OSBPL5: variants seen among roughly 807,000 people sequenced by gnomAD.
OSBPL5 encodes oxysterol binding protein like 5.
A neutral mutation model predicts 111.2 loss-of-function variants in OSBPL5; 71 were observed. That is an observed-to-expected ratio of 0.64 (90% CI 0.53 to 0.78). OSBPL5 has a LOEUF of 0.78. Ranked by LOEUF, OSBPL5 falls within the 30% of genes least tolerant of loss-of-function variation. OSBPL5 has a pLI of 0.00. For synonymous variants in OSBPL5, 549 were observed against 513.9 expected (o/e 1.07, Z -0.93); for missense variants, 1,210 against 1,189.3 (o/e 1.02, Z -0.26).
intron 7 of OSBPL5, 114 bp downstream of exon 7, chr11:3,119,433 C>G (rs780597170): frequency 2.7e-5 from 30 of 1,094,606 alleles, no homozygotes; most frequent in Non-Finnish European, 3.6e-5. Context: ...TCAGGCTGCC[C>G]CCAGACAGTA....
At chr11:3,128,755 C>G (rs1389865382) in intron 2 of OSBPL5, among the ~76,000 whole-genome samples, 1 of 152,160 alleles carries the variant, frequency 6.6e-6, no homozygotes, top group African/African-American at 2.4e-5. Flanking sequence ...GGGATGACTG[C>G]ACTCCATAAC....
chr11:3,100,971 CTTTTTTT>C (rs1196891233), intron 13 of OSBPL5, among the ~76,000 whole-genome samples: 8 of 123,434 alleles, frequency 6.5e-5, no homozygotes, highest in African/African-American at 1.5e-4. Context: ...AGTTTCATTT[CTTTTTTT>C]TTTTTTTTTT....
rs1564821419 is a variant in OSBPL5, at chr11:3,092,992, C to T, written c.2007G>A (p.Glu669=). 6.2e-7 allele frequency: 1 copy of T among 1,606,146 alleles called. No individual in the cohort carries two copies. The highest frequency in any genetic ancestry group is 2.2e-5 in the East Asian group (1 of 44,658). The change falls in exon 18 of 22, where the codon GAG becomes GAA. Residue 669 remains glutamate (E), a synonymous_variant. Transcript: ENST00000263650. The surrounding 1 kb of genome is among the most constrained non-coding windows in gnomAD (Gnocchi z 5.4). ...GCTGTGCCTCCTCCAGTGCAAACTTCTCCTGTGTGGCCCTGTGCTGGTCGC... is the reference window on the plus strand; with the variant it reads ...GCTGTGCCTCCTCCAGTGCAAACTTTTCCTGTGTGGCCCTGTGCTGGTCGC... ...SKGDQHRATQ[E]KFALEEAQRQ...
chr11:3,102,153 C>A, intron 12 of OSBPL5, 30 bp downstream of exon 12: 1 of 1,564,618 alleles, frequency 6.4e-7, no homozygotes, highest in Non-Finnish European at 8.7e-7. Flanking sequence ...AGCCCAGCAC[C>A]CAGGCCGGTT....
chr11:3,090,624 T>C lies in OSBPL5; in HGVS notation c.2332A>G (p.Ser778Gly). The change falls in exon 20 of 22, where the codon AGC (serine) becomes GGC (glycine). Residue 778 changes from serine to glycine, a missense_variant. Physicochemically the swap from Ser to Gly is moderately conservative, Grantham distance 56. Transcript: ENST00000263650. ...PSGHSQATES[S>G]GSTPESCPEL... ...GGGCAGGACTCAGGCGTGGATCCGC[T>C]GCTCTCCGTGGCCTGGCTGTGGCCG... 6.2e-7 allele frequency: 1 copy of C among 1,613,044 alleles called. No homozygotes were observed. Among genetic ancestry groups the C allele is most frequent in the Non-Finnish European group, 8.5e-7 (1 of 1,179,954 alleles).
intron 1 of OSBPL5, among the ~76,000 whole-genome samples, chr11:3,151,563 C>T (rs536632828): frequency 1.1e-4 from 17 of 152,330 alleles, no homozygotes; most frequent in African/African-American, 4.1e-4. Context: ...GACCCCTGCC[C>T]TTTTTCCCAT....
At chr11:3,127,910 C>T (rs1325645749) in intron 2 of OSBPL5, among the ~76,000 whole-genome samples, 2 of 152,208 alleles carry the variant, frequency 1.3e-5, no homozygotes, top group African/African-American at 2.4e-5. Context: ...GTCTTCTGCA[C>T]CGCCTGGGCC....
chr11:3,129,996 GGA>G (rs1356899189), intron 1 of OSBPL5, among the ~76,000 whole-genome samples: 2 of 152,238 alleles, frequency 1.3e-5, no homozygotes, highest in Admixed American at 6.5e-5. Flanking sequence ...TCCCCTGGAA[GGA>G]GAGAGGACAA....
chr11:3,093,877 T>C (rs1161501434), intron 15 of OSBPL5, 42 bp from the exon 16 acceptor site: 2 of 1,580,676 alleles, frequency 1.3e-6, no homozygotes, highest in African/African-American at 1.3e-5. Context: ...GAGCGGGGGC[T>C]GGGGCCTCCA....
chr11:3,129,184 G>C lies in OSBPL5; in HGVS notation c.-21-15C>G. The C allele has an allele frequency of 7.3e-7, 1 of 1,364,158 alleles. No homozygotes were observed. The highest frequency in any genetic ancestry group is 9.5e-7 in the Non-Finnish European group (1 of 1,051,704). 84.5% of individuals were successfully genotyped at this position (1,364,158 alleles called of 1,614,324 possible). ...CTCGGGGGCTTCTGGAAGGAAGGAA[G>C]GAGGGGCAGCAGGAGGTCACCGCCC... On this transcript the variant is annotated splice_polypyrimidine_tract_variant and intron_variant, in intron 1 of 21. Transcript: ENST00000263650.
At chr11:3,112,065 GTGTGTGTGCA>G (rs1590665964) in intron 7 of OSBPL5, among the ~76,000 whole-genome samples, 4 of 69,464 alleles carry the variant, frequency 5.8e-5, no homozygotes, top group African/African-American at 1.2e-4. Context: ...GCATGTGTAT[GTGTGTGTGCA>G]TGTGTGTGTG....
chr11:3,101,657 GGTTGCTGAC>G lies in OSBPL5; in HGVS notation c.1459_1467del (p.Val487_Asn489del). The stretch of plus-strand genomic sequence containing the variant: ...CCACTGATGCAGAAGCCGTCCTTCC[GGTTGCTGAC>G]GTGGAAGGCAGACACGGGCGGGTGG... On this transcript the variant is annotated inframe_deletion, in exon 13 of 22. Transcript: ENST00000263650. The G allele has an allele frequency of 6.2e-7, 1 of 1,613,978 alleles. No homozygotes were observed. The highest frequency in any genetic ancestry group is 1.1e-5 in the South Asian group (1 of 91,080).
chr11:3,140,674 A>G lies in OSBPL5; in HGVS notation c.-21-11505T>C, dbSNP rs912980992. Among the ~76,000 whole-genome samples the G allele has an allele frequency of 2.0e-5, 3 of 152,124 alleles. No individual in the cohort carries two copies. The highest frequency in any genetic ancestry group is 6.5e-5 in the Admixed American group (1 of 15,272). ...CTCTGTCCCCCAGCTCACATTACCC[A>G]GGACTGGCTGTAGGAGCCTTGTTTC... is the stretch of plus-strand genomic sequence containing the variant. On this transcript the variant is annotated intron_variant, in intron 1 of 21. Coordinates refer to ENST00000263650, the MANE Select transcript of OSBPL5 (RefSeq NM_020896.4). This position sits in a 1 kb window ranked among gnomAD's most constrained non-coding sequence, Gnocchi z 4.5.
chr11:3,113,211 G>C lies in OSBPL5; in HGVS notation c.692-5266C>G, dbSNP rs1858068194. Among the ~76,000 whole-genome samples, 1 of 152,154 alleles carries C rather than the reference G, an allele frequency of 6.6e-6. No homozygotes were observed. Among genetic ancestry groups the C allele is most frequent in the Non-Finnish European group, 1.5e-5 (1 of 68,042 alleles). On this transcript the variant is annotated intron_variant, in intron 7 of 21. Coordinates refer to ENST00000263650, the MANE Select transcript of OSBPL5 (RefSeq NM_020896.4). This position sits in a 1 kb window ranked among gnomAD's most constrained non-coding sequence, Gnocchi z 4.8. Reference sequence around the variant, plus strand: ...AAATAAGCTAGCTTTAAAATTATTGGTAAAGTAATATTAGAAATGTCTTAA... The same window carrying C: ...AAATAAGCTAGCTTTAAAATTATTGCTAAAGTAATATTAGAAATGTCTTAA...
In OSBPL5 at chr11:3,160,990, G is replaced by A. The variant is rs149602015; in HGVS notation, c.-22+4226C>T. ...TGGGGTGGTGCTTCTGCTCTGCCAG[G>A]TACGGCAGCGCTTACTGAAGGTTTG... is the stretch of plus-strand genomic sequence containing the variant. On this transcript the variant is annotated intron_variant, in intron 1 of 21. Transcript: ENST00000263650. The A allele has an allele frequency of 3.9e-3, 598 of 152,212 alleles. 1 individual carries two copies. Among genetic ancestry groups the A allele is most frequent in the Admixed American group, 7.7e-3 (118 of 15,308 alleles). 9.4% of individuals were successfully genotyped at this position (152,212 alleles called of 1,614,324 possible).
At chr11:3,120,384 C>G in intron 6 of OSBPL5, 37 bp downstream of exon 6, 3 of 1,587,364 alleles carry the variant, frequency 1.9e-6, no homozygotes, top group Non-Finnish European at 2.6e-6. Context: ...CTTGGCCCTA[C>G]GGGGCCTCTG....
intron 3 of OSBPL5, 118 bp from the exon 4 acceptor site, chr11:3,122,546 G>A (rs1028039873): frequency 3.0e-5 from 26 of 857,676 alleles, no homozygotes; most frequent in East Asian, 8.2e-5. Context: ...CGCTCCACTC[G>A]TTTCCCGCCT....
intron 10 of OSBPL5, 86 bp from the exon 11 acceptor site, chr11:3,103,406 C>A (rs771794807): frequency 8.1e-7 from 1 of 1,236,072 alleles, no homozygotes; most frequent in South Asian, 1.4e-5. Flanking sequence ...CCTACCATCC[C>A]GACCTCCAAC....
intron 14 of OSBPL5, among the ~76,000 whole-genome samples, chr11:3,096,072 G>A (rs1282587280): frequency 1.3e-5 from 2 of 152,172 alleles, no homozygotes; most frequent in Admixed American, 6.5e-5. Context: ...GAGGGGACTA[G>A]GAGGAAATGA....
Sources: gnomAD v4.1 joint callset for allele counts (sites outside exome capture counted in the v4.1 genomes callset) on GRCh38, gnomAD v4.1.1 for gene constraint, Gnocchi (gnomAD v3.1) non-coding constraint, MANE v1.5 for transcripts, NCBI Gene and HGNC (gene_info 2026-07-23, HGNC 2026-07-21) for gene names.